PRKCZ: variants seen among roughly 807,000 people sequenced by gnomAD.
PRKCZ encodes protein kinase C zeta.
PRKCZ carries 33 observed loss-of-function variants against 79.5 expected under a neutral mutation model. That is an observed-to-expected ratio of 0.41 (90% CI 0.31 to 0.55). PRKCZ has a LOEUF of 0.55. PRKCZ is among the 20% of genes least tolerant of loss of function. The probability of loss-of-function intolerance (pLI) is 0.19; values close to 1 mark genes in which losing one functional copy is unlikely to be tolerated. For synonymous variants in PRKCZ, 342 were observed against 320.9 expected, an observed-to-expected ratio of 1.07 and a Z score of -0.70; for missense variants, 578 against 813.5, an observed-to-expected ratio of 0.71 and a Z score of 3.52.
chr1:2,132,965 C>T (rs1675295395), intron 4 of PRKCZ, among the ~76,000 whole-genome samples: 1 of 152,156 alleles, frequency 6.6e-6, no homozygotes, highest in Non-Finnish European at 1.5e-5. Context: ...GTTAGGGCTC[C>T]CCACGTGAAT....
chr1:2,093,236 A>T (rs1665830776), intron 4 of PRKCZ, among the ~76,000 whole-genome samples: 2 of 152,080 alleles, frequency 1.3e-5, no homozygotes, highest in African/African-American at 4.8e-5. Flanking sequence ...CACCAGGTGC[A>T]TGGTGTGGTC....
intron 7 of PRKCZ, among the ~76,000 whole-genome samples, chr1:2,147,166 A>G (rs369071571): frequency 4.6e-5 from 7 of 150,698 alleles, no homozygotes; most frequent in African/African-American, 1.7e-4. Context: ...CTATCCGTCT[A>G]TTGTCCACTG....
chr1:2,108,690 G>A (rs1486857712), intron 4 of PRKCZ, among the ~76,000 whole-genome samples: 1 of 152,350 alleles, frequency 6.6e-6, no homozygotes, highest in African/African-American at 2.4e-5. Flanking sequence ...CCAGGGCTGT[G>A]AGCGAGGCTG....
At chr1:2,097,959 G>A (rs1332594103) in intron 4 of PRKCZ, among the ~76,000 whole-genome samples, 1 of 152,206 alleles carries the variant, frequency 6.6e-6, no homozygotes, top group Non-Finnish European at 1.5e-5. Context: ...GGACTGCACA[G>A]TCTAAGCTAA....
chr1:2,094,466 A>G lies in PRKCZ; in HGVS notation c.334+34875A>G, dbSNP rs1188688202. On this transcript the variant is annotated intron_variant, in intron 4 of 17. Coordinates refer to ENST00000378567, the MANE Select transcript of PRKCZ (RefSeq NM_002744.6). The surrounding 1 kb of genome is among the most constrained non-coding windows in gnomAD (Gnocchi z 7.3). Reference sequence around the variant, plus strand: ...GCACCCGCTGTGCCCGGCTCGTTGAACCTTGGGCGCTGCCCGTTCTGAGGC... The same window carrying G: ...GCACCCGCTGTGCCCGGCTCGTTGAGCCTTGGGCGCTGCCCGTTCTGAGGC... Among the ~76,000 whole-genome samples the G allele has an allele frequency of 1.4e-5, 2 of 138,034 alleles. No individual in the cohort carries two copies. The highest frequency in any genetic ancestry group is 3.1e-5 in the Non-Finnish European group (2 of 64,384). 90.6% of individuals were successfully genotyped at this position (138,034 alleles called of 152,430 possible).
At chr1:2,057,679 A>C (rs13303113) in intron 3 of PRKCZ, among the ~76,000 whole-genome samples, 20,423 of 151,746 alleles carry the variant, frequency 0.13, 1,464 homozygotes, top group South Asian at 0.18. Flanking sequence ...CAACCTGGGC[A>C]ACATAGTGAG....
intron 4 of PRKCZ, among the ~76,000 whole-genome samples, chr1:2,129,223 G>GA (rs1294523099): frequency 6.6e-6 from 1 of 152,188 alleles, no homozygotes; most frequent in African/African-American, 2.4e-5. Flanking sequence ...GGCAGTTGCA[G>GA]AATCCCCCGA....
chr1:2,129,163 C>T (rs1043913045), intron 4 of PRKCZ, among the ~76,000 whole-genome samples: 12 of 152,228 alleles, frequency 7.9e-5, no homozygotes, highest in African/African-American at 2.6e-4. Flanking sequence ...TAGTCAATTG[C>T]CTGAAGTTCG....
intron 4 of PRKCZ, among the ~76,000 whole-genome samples, chr1:2,118,105 T>G (rs1489456419): frequency 6.9e-6 from 1 of 144,056 alleles, no homozygotes; most frequent in Non-Finnish European, 1.5e-5. Context: ...CAAGCGATTC[T>G]CCTGCCTGAG....
At chr1:2,131,704 C>G (rs988758795) in intron 4 of PRKCZ, among the ~76,000 whole-genome samples, 1 of 152,214 alleles carries the variant, frequency 6.6e-6, no homozygotes, top group African/African-American at 2.4e-5. Flanking sequence ...GCAGGCTGTC[C>G]CCCGCCGCTG....
At chr1:2,091,303 CTGGGATTATAGAA>C (rs1255310348) in intron 4 of PRKCZ, among the ~76,000 whole-genome samples, 1 of 152,192 alleles carries the variant, frequency 6.6e-6, no homozygotes, top group Non-Finnish European at 1.5e-5. Context: ...TCCCAAAGTG[CTGGGATTATAGAA>C]GTGAGCCACC....
chr1:2,179,367 G>T (rs892033178), intron 16 of PRKCZ, among the ~76,000 whole-genome samples: 1 of 152,200 alleles, frequency 6.6e-6, no homozygotes, highest in African/African-American at 2.4e-5. Flanking sequence ...GGTGGCTGGG[G>T]CTGCCACTCT....
chr1:2,084,382 G>A (rs756672960), intron 4 of PRKCZ, among the ~76,000 whole-genome samples: 1 of 151,288 alleles, frequency 6.6e-6, no homozygotes, highest in Non-Finnish European at 1.5e-5. Flanking sequence ...TGTCCGCTTC[G>A]GATTATGGTC....
intron 3 of PRKCZ, among the ~76,000 whole-genome samples, 181 bp downstream of exon 3, chr1:2,056,754 A>G (rs1047601888): frequency 4.5e-5 from 6 of 133,084 alleles, no homozygotes; most frequent in African/African-American, 5.9e-5. Context: ...TTTGAGACGG[A>G]GTCTTGCTCT....
chr1:2,105,387 A>C (rs1224465167), intron 4 of PRKCZ, among the ~76,000 whole-genome samples: 2 of 152,210 alleles, frequency 1.3e-5, no homozygotes, highest in African/African-American at 4.8e-5. Flanking sequence ...CATTTGGCCA[A>C]GGGTCACGTT....
At position 2,094,551 on chromosome 1, in the gene PRKCZ, C is replaced by T. The variant is rs1197962167; in HGVS notation, c.334+34960C>T. 8.0e-6 allele frequency among the ~76,000 whole-genome samples: 1 copy of T among 125,290 alleles called. No homozygotes were observed. The highest frequency in any genetic ancestry group is 1.6e-5 in the Non-Finnish European group (1 of 61,796). 82.2% of individuals were successfully genotyped at this position (125,290 alleles called of 152,430 possible). A position where few individuals can be genotyped will look rare whatever the true frequency, so the allele number is the denominator to read the frequency against. Reference sequence around the variant, plus strand: ...TGCCCGTTCTGAGGCGCCCTCTGTGCCCGGCTCGATGAACCTTGGGCGCTG... The same window carrying T: ...TGCCCGTTCTGAGGCGCCCTCTGTGTCCGGCTCGATGAACCTTGGGCGCTG... On this transcript the variant is annotated intron_variant, in intron 4 of 17. Transcript: ENST00000378567. This position sits in a 1 kb window ranked among gnomAD's most constrained non-coding sequence, Gnocchi z 7.3.
At chr1:2,135,152 G>A in intron 4 of PRKCZ, 110 bp from the exon 5 acceptor site, 2 of 871,550 alleles carry the variant, frequency 2.3e-6, no homozygotes, top group Non-Finnish European at 3.5e-6. Context: ...CTGCCTGGGA[G>A]GACGCTGCGG....
rs908532918 is a variant in PRKCZ at position 2,124,562 on chromosome 1, C to T, written c.335-10700C>T. 3.3e-5 allele frequency among the ~76,000 whole-genome samples: 5 copies of T among 152,178 alleles called. No individual in the cohort carries two copies. In the East Asian group the frequency reaches 7.7e-4, roughly 23 times the overall value. ...AGGCCGCCAGCAAGCAAGGAGATAC[C>T]CCGCCCTGCAGGTTCCGTCATCCTG... On this transcript the variant is annotated intron_variant, in intron 4 of 17. Transcript: ENST00000378567.
At chr1:2,092,581 G>A (rs1288284369) in intron 4 of PRKCZ, among the ~76,000 whole-genome samples, 1 of 152,146 alleles carries the variant, frequency 6.6e-6, no homozygotes, top group Non-Finnish European at 1.5e-5. Context: ...TGGACTTGAA[G>A]CTCCGTGGGT....
Sources: gnomAD v4.1 joint callset for allele counts (sites outside exome capture counted in the v4.1 genomes callset) on GRCh38, gnomAD v4.1.1 for gene constraint, Gnocchi (gnomAD v3.1) non-coding constraint, MANE v1.5 for transcripts, NCBI Gene and HGNC (gene_info 2026-07-23, HGNC 2026-07-21) for gene names.